CPS1: variants seen among roughly 807,000 people sequenced by gnomAD.
The protein encoded by CPS1 is carbamoyl-phosphate synthase 1.
In CPS1, 109 loss-of-function variants were observed where a neutral mutation model predicts 174.6. The ratio of observed to expected loss-of-function variants is 0.62; its 90% CI spans 0.53 to 0.73. The LOEUF is 0.73. Ranked by LOEUF, CPS1 falls within the 30% of genes least tolerant of loss-of-function variation. The pLI is 0.00. For synonymous variants in CPS1, 637 were observed against 632.0 expected, an observed-to-expected ratio of 1.01 and a Z score of -0.12; for missense variants, 1,689 against 1,821.9, an observed-to-expected ratio of 0.93 and a Z score of 1.33.
intron 1 of CPS1, among the ~76,000 whole-genome samples, chr2:210,544,244 G>A (rs1286893488): frequency 2.0e-5 from 3 of 152,066 alleles, no homozygotes; most frequent in Admixed American, 6.6e-5. Flanking sequence ...CAGTAGGTAC[G>A]TAATCCTGGA....
At chr2:210,514,735 T>C (rs1244232565) in intron 1 of CPS1, among the ~76,000 whole-genome samples, 1 of 151,342 alleles carries the variant, frequency 6.6e-6, no homozygotes, top group Non-Finnish European at 1.5e-5. Flanking sequence ...TGAATTGGAG[T>C]GGTAAGAATA....
In CPS1 at chr2:210,675,800, T is replaced by A; in HGVS notation, c.4234T>A (p.Ser1412Thr). ...NVPATPVAWP[S>T]QEGQNPSLSS... ...CCCTGCCACCCCAGTGGCATGGCCG[T>A]CTCAAGAAGGACAGAATCCCAGCCT... Residue 1412 changes from serine (S) to threonine (T), a missense_variant, in exon 36 of 38, where the codon TCT (serine) becomes ACT (threonine). Transcript: ENST00000233072. 1 of 1,601,800 alleles carries A rather than the reference T, an allele frequency of 6.2e-7. No individual in the cohort carries two copies. The highest frequency in any genetic ancestry group is 8.6e-7 in the Non-Finnish European group (1 of 1,168,724).
intron 1 of CPS1, among the ~76,000 whole-genome samples, chr2:210,497,275 T>G (rs1695013204): frequency 6.6e-6 from 1 of 152,170 alleles, no homozygotes; most frequent in African/African-American, 2.4e-5. Context: ...CAGTGAAGTT[T>G]GTGCATATAG....
intron 22 of CPS1, among the ~76,000 whole-genome samples, chr2:210,638,047 C>G (rs992743673): frequency 6.6e-5 from 10 of 152,158 alleles, no homozygotes; most frequent in Non-Finnish European, 1.2e-4. Flanking sequence ...GGAAAGGACA[C>G]TAGGATGTAA....
intron 1 of CPS1, among the ~76,000 whole-genome samples, chr2:210,548,125 G>A (rs1031909815): frequency 6.6e-6 from 1 of 151,854 alleles, no homozygotes; most frequent in South Asian, 2.1e-4. Flanking sequence ...CTTTTTCTGA[G>A]TTATATATTT....
Position 210,577,449 on chromosome 2 carries a change from G to C in CPS1, c.410G>C (p.Ser137Thr). 1 of 1,613,888 alleles carries C rather than the reference G, an allele frequency of 6.2e-7. No individual in the cohort carries two copies. Among genetic ancestry groups the C allele is most frequent in the Non-Finnish European group, 8.5e-7 (1 of 1,179,864 alleles). Reference protein sequence around the residue: ...KVSGLLVLDYSKDYNHWLATK... With the variant: ...KVSGLLVLDYTKDYNHWLATK... ...TCAGGTTTGCTGGTGCTGGATTATA[G>C]TAAAGACTACAACCACTGGCTGGCT... Residue 137 changes from serine to threonine, a missense_variant, in exon 4 of 38, where the codon AGT becomes ACT. By Grantham distance (58) the Ser-to-Thr change is moderately conservative. Coordinates refer to ENST00000233072, the MANE Select transcript of CPS1 (RefSeq NM_001875.5).
chr2:210,617,807 T>G (rs1210261870), intron 21 of CPS1: 1 of 152,030 alleles, frequency 6.6e-6, no homozygotes, highest in Non-Finnish European at 1.5e-5. Context: ...GACTTAAGTT[T>G]CCCTTTCTTG....
chr2:210,552,803 A>G (rs1357041426), upstream of CPS1, among the ~76,000 whole-genome samples: 3 of 152,080 alleles, frequency 2.0e-5, no homozygotes, highest in African/African-American at 7.2e-5. Flanking sequence ...AAATGAGTTA[A>G]TGGAAACAAA....
intron 10 of CPS1, among the ~76,000 whole-genome samples, chr2:210,592,657 A>G (rs936955199): frequency 7.2e-5 from 11 of 152,006 alleles, no homozygotes; most frequent in Non-Finnish European, 1.6e-4. Flanking sequence ...CATTCAGTTG[A>G]GTCTTCATTG....
At chr2:210,653,663 A>G (rs1327735688) in intron 28 of CPS1, among the ~76,000 whole-genome samples, 4 of 152,206 alleles carry the variant, frequency 2.6e-5, no homozygotes, top group East Asian at 3.9e-4. Flanking sequence ...CAATAATAAT[A>G]TGTCATTATA....
intron 7 of CPS1, among the ~76,000 whole-genome samples, chr2:210,589,289 C>T (rs1203859386): frequency 6.6e-6 from 1 of 152,018 alleles, no homozygotes; most frequent in African/African-American, 2.4e-5. Context: ...AGCTTTTGTT[C>T]TCTTAAATCC....
chr2:210,505,113 G>A (rs1284728111), intron 1 of CPS1, among the ~76,000 whole-genome samples: 1 of 151,894 alleles, frequency 6.6e-6, no homozygotes, highest in Non-Finnish European at 1.5e-5. Context: ...TATTGGGCAT[G>A]AAGAAAGCAG....
chr2:210,532,052 A>G (rs1313694020), intron 1 of CPS1, among the ~76,000 whole-genome samples: 2 of 152,110 alleles, frequency 1.3e-5, no homozygotes, highest in Non-Finnish European at 2.9e-5. Flanking sequence ...ATTCTTTGGT[A>G]TTCTTTTAAA....
chr2:210,677,898 T>G lies in CPS1; in HGVS notation c.4416T>G (p.Leu1472=), dbSNP rs1701583781. 8.1e-6 allele frequency: 13 copies of G among 1,613,808 alleles called. No homozygotes were observed. Among genetic ancestry groups the G allele is most frequent in the Non-Finnish European group, 1.1e-5 (13 of 1,179,862 alleles). Residue 1472 remains leucine, a synonymous_variant, in exon 38 of 38, where the codon CTT becomes CTG. Coordinates refer to ENST00000233072, the MANE Select transcript of CPS1 (RefSeq NM_001875.5). ...PLLTNFQVTK[L]FAEAVQKSRK... ...CATTATATTTTCAGGTGACCAAACTTTTTGCTGAAGCTGTGCAGAAATCTC... is the reference window on the plus strand; with the variant it reads ...CATTATATTTTCAGGTGACCAAACTGTTTGCTGAAGCTGTGCAGAAATCTC...
chr2:210,673,016 A>G (rs1322164500), intron 34 of CPS1: 2 of 152,176 alleles, frequency 1.3e-5, no homozygotes, highest in Non-Finnish European at 1.5e-5. Flanking sequence ...AAAATTGTGC[A>G]AGGATCACAT....
chr2:210,479,054 T>A (rs1169526910), intron 1 of CPS1, among the ~76,000 whole-genome samples: 3 of 151,880 alleles, frequency 2.0e-5, no homozygotes, highest in Admixed American at 2.0e-4. Context: ...ACATTTATTG[T>A]TTGTATTTAT....
Position 210,625,455 on chromosome 2 carries a change from G to A in CPS1, c.2687+8914G>A, listed in dbSNP as rs558509448. On this transcript the variant is annotated intron_variant, in intron 21 of 37. Coordinates refer to ENST00000233072, the MANE Select transcript of CPS1 (RefSeq NM_001875.5). ...ACACATGTTATCTCATACAAGTCTC[G>A]ATGTACAGTTTTTAGGAGGTATGTG... is the stretch of plus-strand genomic sequence containing the variant. Among the ~76,000 whole-genome samples the A allele has an allele frequency of 4.6e-5, 7 of 152,090 alleles. No individual in the cohort carries two copies. In the East Asian group the frequency reaches 7.7e-4, roughly 17 times the overall value.
At chr2:210,662,278 A>G (rs942516653) in intron 32 of CPS1, among the ~76,000 whole-genome samples, 4 of 152,042 alleles carry the variant, frequency 2.6e-5, no homozygotes, top group Admixed American at 2.6e-4. Context: ...AGTTTTTTTC[A>G]AATTACTTAG....
At chr2:210,603,795 T>A (rs188590506) in intron 16 of CPS1, among the ~76,000 whole-genome samples, 1 of 152,012 alleles carries the variant, frequency 6.6e-6, no homozygotes, top group East Asian at 2.0e-4. Flanking sequence ...TGAGAATAAT[T>A]AGTCATATCA....
Sources: gnomAD v4.1 joint callset for allele counts (sites outside exome capture counted in the v4.1 genomes callset) on GRCh38, gnomAD v4.1.1 for gene constraint, MANE v1.5 for transcripts, NCBI Gene and HGNC (gene_info 2026-07-23, HGNC 2026-07-21) for gene names.